KDM4C: variants seen among roughly 807,000 people sequenced by gnomAD.
KDM4C encodes the protein lysine demethylase 4C, also known as lysine-specific demethylase 4C.
Under a neutral mutation model 129.3 loss-of-function variants are expected in KDM4C, and 81 were observed. The ratio of observed to expected loss-of-function variants is 0.63; its 90% CI spans 0.52 to 0.75. KDM4C has a LOEUF of 0.75. KDM4C is among the 30% of genes least tolerant of loss of function. The pLI is 0.00. For synonymous variants in KDM4C, 573 were observed against 456.1 expected (o/e 1.26, Z -3.26); for missense variants, 1,457 against 1,304.0 (o/e 1.12, Z -1.81).
chr9:6,835,071 T>A (rs1588593738), intron 4 of KDM4C: 1 of 969,720 alleles, frequency 1.0e-6, no homozygotes. Flanking sequence ...CTGAGTGGGA[T>A]ATCGTGCGTG....
chr9:6,899,542 G>GGGGGGT (rs1554633822), intron 8 of KDM4C, among the ~76,000 whole-genome samples: 1 of 150,054 alleles, frequency 6.7e-6, no homozygotes, highest in Non-Finnish European at 1.5e-5. Context: ...TTTCCATGGG[G>GGGGGGT]GTGTGTGTGT....
intron 12 of KDM4C, among the ~76,000 whole-genome samples, chr9:6,994,762 T>C (rs1400786778): frequency 6.6e-6 from 1 of 152,228 alleles, no homozygotes; most frequent in Non-Finnish European, 1.5e-5. Flanking sequence ...TATATGTGTA[T>C]AGAAAAACAT....
At chr9:6,960,556 G>T (rs1287537621) in intron 8 of KDM4C, among the ~76,000 whole-genome samples, 2 of 152,268 alleles carry the variant, frequency 1.3e-5, no homozygotes, top group Middle Eastern at 6.8e-3. Flanking sequence ...ACTGTGCGTG[G>T]CCTATAAAAA....
chr9:6,890,215 C>G (rs1355594831), intron 7 of KDM4C, among the ~76,000 whole-genome samples: 1 of 152,204 alleles, frequency 6.6e-6, no homozygotes, highest in Admixed American at 6.5e-5. Flanking sequence ...GATTAAACCT[C>G]CTGAGTTCAT....
intron 8 of KDM4C, among the ~76,000 whole-genome samples, chr9:6,969,739 G>A (rs1831627850): frequency 6.6e-6 from 1 of 151,920 alleles, no homozygotes; most frequent in Admixed American, 6.5e-5. Flanking sequence ...TTTTTTCTAT[G>A]TTCAGAGGTG....
intron 8 of KDM4C, among the ~76,000 whole-genome samples, chr9:6,923,518 T>A (rs1470610703): frequency 6.6e-6 from 1 of 152,188 alleles, no homozygotes; most frequent in East Asian, 1.9e-4. Flanking sequence ...ATGATTACAA[T>A]GACAGAATGA....
intron 17 of KDM4C, among the ~76,000 whole-genome samples, chr9:7,091,292 G>C (rs2133045797): frequency 6.7e-6 from 1 of 149,544 alleles, no homozygotes; most frequent in East Asian, 1.9e-4. Context: ...GGAAGATTTT[G>C]GCAAACTGGA....
rs374289678 is a variant in KDM4C at position 6,828,370 on chromosome 9, A to G, written c.435+13625A>G. 3.1e-3 allele frequency among the ~76,000 whole-genome samples: 472 copies of G among 151,992 alleles called. 2 individuals are homozygous for G. Among genetic ancestry groups the G allele is most frequent in the African/African-American group, 0.011 (449 of 41,478 alleles). ...CACCATGTCAGACAGGCTGGTCTCA[A>G]TCTCCTGACCTTGTGATCTGCCTGC... On this transcript the variant is annotated intron_variant, in intron 4 of 21. Transcript: ENST00000381309.
chr9:6,965,319 G>C lies in KDM4C; in HGVS notation c.922-15606G>C, dbSNP rs182711529. ...TATATATATATATTTGGATATATTA[G>C]GTATATTTATGACTAAATTATAAAT... On this transcript the variant is annotated intron_variant, in intron 8 of 21. Coordinates refer to ENST00000381309, the MANE Select transcript of KDM4C (RefSeq NM_015061.6). Among the ~76,000 whole-genome samples the C allele has an allele frequency of 2.0e-4, 30 of 150,984 alleles. No homozygotes were observed. The East Asian group carries it at 4.1e-3, about 21-fold the overall frequency.
At chr9:7,097,739 T>C (rs1238515604) in intron 17 of KDM4C, among the ~76,000 whole-genome samples, 1 of 152,260 alleles carries the variant, frequency 6.6e-6, no homozygotes, top group East Asian at 1.9e-4. Flanking sequence ...TGATTATGGC[T>C]GTAAAGCTTT....
At chr9:6,903,040 A>C (rs1817671510) in intron 8 of KDM4C, among the ~76,000 whole-genome samples, 2 of 152,192 alleles carry the variant, frequency 1.3e-5, no homozygotes, top group African/African-American at 4.8e-5. Context: ...ATTACTGCTA[A>C]GCTTTGACTG....
chr9:6,749,511 A>T (rs908075085), intron 1 of KDM4C, among the ~76,000 whole-genome samples: 1 of 151,878 alleles, frequency 6.6e-6, no homozygotes. Flanking sequence ...AAAATAAATT[A>T]AAAAAAATTA....
chr9:6,730,674 C>A (rs1817295192), intron 1 of KDM4C, among the ~76,000 whole-genome samples: 1 of 151,694 alleles, frequency 6.6e-6, no homozygotes, highest in Admixed American at 6.6e-5. Flanking sequence ...ATTCATGAAT[C>A]AGGTAGCCCC....
rs186407292 is a variant in KDM4C at position 7,004,768 on chromosome 9, G to A, written c.1787-6930G>A. ...ACTTATATATAGGAGATAACTTGGC[G>A]TCTGTCTAGATTGGCTCTGTTCTAA... On this transcript the variant is annotated intron_variant, in intron 12 of 21. Coordinates refer to ENST00000381309, the MANE Select transcript of KDM4C (RefSeq NM_015061.6). Among the ~76,000 whole-genome samples the A allele has an allele frequency of 7.9e-5, 12 of 152,264 alleles. No individual in the cohort carries two copies. In the East Asian group the frequency reaches 1.2e-3, roughly 15 times the overall value.
intron 18 of KDM4C, among the ~76,000 whole-genome samples, chr9:7,118,944 A>G (rs1023317104): frequency 1.4e-4 from 21 of 152,186 alleles, no homozygotes; most frequent in African/African-American, 4.6e-4. Context: ...AAAGCAAAGA[A>G]TCTTCCCTCA....
At chr9:6,729,930 C>A (rs62566469) in intron 1 of KDM4C, among the ~76,000 whole-genome samples, 15,056 of 132,668 alleles carry the variant, frequency 0.11, 3,036 homozygotes, top group Middle Eastern at 0.15. Context: ...GCCAACATGG[C>A]GAAAATTAAT....
intron 8 of KDM4C, chr9:6,973,848 G>C (rs946996228): frequency 3.3e-5 from 5 of 152,222 alleles, no homozygotes; most frequent in African/African-American, 9.7e-5. Flanking sequence ...GAGGACAGGA[G>C]ATGCTGTGTT....
chr9:7,115,780 C>G (rs1838830770), intron 18 of KDM4C, among the ~76,000 whole-genome samples: 1 of 152,232 alleles, frequency 6.6e-6, no homozygotes, highest in African/African-American at 2.4e-5. Context: ...CCTCCTGAAG[C>G]CTCTTGGCAG....
At chr9:7,115,738 T>C (rs1838826320) in intron 18 of KDM4C, among the ~76,000 whole-genome samples, 1 of 152,244 alleles carries the variant, frequency 6.6e-6, no homozygotes, top group Non-Finnish European at 1.5e-5. Flanking sequence ...TCAACAAATA[T>C]GATACACAAA....
Sources: allele counts gnomAD v4.1 joint callset (sites outside exome capture counted in the v4.1 genomes callset), GRCh38; gene constraint gnomAD v4.1.1; transcripts MANE v1.5; gene names NCBI Gene and HGNC (gene_info 2026-07-23, HGNC 2026-07-21).